Variants in CDH8 observed in about 807,000 individuals in gnomAD.
The protein encoded by CDH8 is cadherin 8.
In CDH8, 17 loss-of-function variants were observed where a neutral mutation model predicts 68.1. That is an observed-to-expected ratio of 0.25 (90% confidence interval 0.17 to 0.37). CDH8 has a LOEUF of 0.37. CDH8 is among the 10% of genes least tolerant of loss of function. The pLI is 1.00. For synonymous variants in CDH8, 372 were observed against 365.1 expected, an observed-to-expected ratio of 1.02 and a Z score of -0.21; for missense variants, 763 against 999.3, an observed-to-expected ratio of 0.76 and a Z score of 3.19.
Position 61,652,763 on chromosome 16 carries a change from A to C in CDH8, c.*845T>G. ...ATTAATGGACATCAATAAAATATTT[A>C]TTTCGAGGATTAAACAAATAAATTC... On this transcript the variant is annotated 3_prime_UTR_variant, in exon 12 of 12. Transcript: ENST00000577390. 1 of 1,325,314 alleles carries C rather than the reference A, an allele frequency of 7.5e-7. No individual in the cohort carries two copies. The highest frequency in any genetic ancestry group is 2.3e-5 in the South Asian group (1 of 43,814). 82.1% of individuals were successfully genotyped at this position (1,325,314 alleles called of 1,614,324 possible). A position where few individuals can be genotyped will look rare whatever the true frequency, so the allele number is the denominator to read the frequency against.
chr16:61,964,180 A>C (rs904697767), intron 2 of CDH8, among the ~76,000 whole-genome samples: 1 of 152,218 alleles, frequency 6.6e-6, no homozygotes, highest in Non-Finnish European at 1.5e-5. Context: ...TAAAGACCAA[A>C]ACATCTCTTG....
chr16:61,939,043 G>C (rs1375161696), intron 2 of CDH8, among the ~76,000 whole-genome samples: 1 of 152,130 alleles, frequency 6.6e-6, no homozygotes, highest in Non-Finnish European at 1.5e-5. Context: ...ATCAACAAGG[G>C]CTCATTCATA....
At chr16:61,812,562 C>T (rs1012093596) in intron 7 of CDH8, among the ~76,000 whole-genome samples, 7 of 151,764 alleles carry the variant, frequency 4.6e-5, no homozygotes, top group Non-Finnish European at 1.0e-4. Context: ...ACACCCAATA[C>T]ACAATTGAAA....
At chr16:61,814,192 C>A (rs1477607798) in intron 7 of CDH8, among the ~76,000 whole-genome samples, 2 of 152,182 alleles carry the variant, frequency 1.3e-5, no homozygotes, top group Admixed American at 1.3e-4. Flanking sequence ...ATTCCAGAGA[C>A]TAGTTCTCCG....
intron 2 of CDH8, among the ~76,000 whole-genome samples, chr16:62,010,667 G>A (rs1038940363): frequency 2.0e-5 from 3 of 151,918 alleles, no homozygotes; most frequent in African/African-American, 7.3e-5. Flanking sequence ...GGGTAGGCAC[G>A]GTGGCTCACG....
intron 2 of CDH8, among the ~76,000 whole-genome samples, chr16:61,912,985 T>C (rs992302598): frequency 1.2e-4 from 18 of 152,188 alleles, no homozygotes; most frequent in African/African-American, 4.3e-4. Flanking sequence ...TTTTTAAAAA[T>C]ACAGTGTAAT....
At chr16:61,749,104 C>T (rs911730080) in intron 8 of CDH8, among the ~76,000 whole-genome samples, 1 of 151,958 alleles carries the variant, frequency 6.6e-6, no homozygotes, top group Non-Finnish European at 1.5e-5. Flanking sequence ...GGAATATCTA[C>T]AATAAAACGT....
intron 10 of CDH8, among the ~76,000 whole-genome samples, chr16:61,656,811 A>G (rs1050082110): frequency 6.6e-6 from 1 of 152,188 alleles, no homozygotes; most frequent in Non-Finnish European, 1.5e-5. Context: ...CCCACATTAG[A>G]TACACAGTTC....
At chr16:61,756,075 C>A (rs1194721769) in intron 8 of CDH8, among the ~76,000 whole-genome samples, 1 of 152,094 alleles carries the variant, frequency 6.6e-6, no homozygotes, top group African/African-American at 2.4e-5. Flanking sequence ...CCCACCCCAG[C>A]CAACCAAAGT....
chr16:61,797,907 T>C (rs1961534627), intron 7 of CDH8, among the ~76,000 whole-genome samples: 1 of 152,144 alleles, frequency 6.6e-6, no homozygotes, highest in African/African-American at 2.4e-5. Context: ...GTCAATTCAT[T>C]TCAGGTCTCA....
chr16:61,959,544 G>GTA (rs1475730320), intron 2 of CDH8, among the ~76,000 whole-genome samples: 1 of 112,334 alleles, frequency 8.9e-6, no homozygotes, highest in Non-Finnish European at 2.0e-5. Flanking sequence ...CTCTCTCTCT[G>GTA]TGTGTGTGTG....
chr16:61,777,667 A>C (rs1324365490), intron 8 of CDH8, among the ~76,000 whole-genome samples: 3 of 152,172 alleles, frequency 2.0e-5, no homozygotes, highest in African/African-American at 7.2e-5. Flanking sequence ...GTTGCAGAAC[A>C]AAGTAAAAAT....
intron 10 of CDH8, among the ~76,000 whole-genome samples, chr16:61,698,040 A>G (rs1210772478): frequency 6.6e-6 from 1 of 152,188 alleles, no homozygotes; most frequent in African/African-American, 2.4e-5. Context: ...CACTTCTAAC[A>G]TATAAGTTTT....
chr16:61,728,979 A>G (rs1037555854), intron 8 of CDH8, among the ~76,000 whole-genome samples: 1 of 151,298 alleles, frequency 6.6e-6, no homozygotes, highest in South Asian at 2.1e-4. Context: ...ACACATTCAA[A>G]GGTATTATAG....
intron 8 of CDH8, among the ~76,000 whole-genome samples, chr16:61,779,425 A>ATGTGTGTG (rs10539934): frequency 0.076 from 10,590 of 138,878 alleles, 479 homozygotes; most frequent in African/African-American, 0.12. Context: ...ATGTTCGTTT[A>ATGTGTGTG]TGTGTGTGTG....
At chr16:61,906,203 G>A (rs898668229) in intron 2 of CDH8, among the ~76,000 whole-genome samples, 5 of 152,156 alleles carry the variant, frequency 3.3e-5, no homozygotes, top group African/African-American at 1.2e-4. Flanking sequence ...TAATAGTTTT[G>A]TTGTAGTATA....
chr16:61,793,192 C>A (rs952913733), intron 7 of CDH8, among the ~76,000 whole-genome samples: 1 of 151,840 alleles, frequency 6.6e-6, no homozygotes, highest in East Asian at 1.9e-4. Context: ...TCCGATCACA[C>A]TGGCATGCTA....
chr16:61,729,937 C>T (rs1348326142), intron 8 of CDH8, among the ~76,000 whole-genome samples: 1 of 151,338 alleles, frequency 6.6e-6, no homozygotes. Context: ...GCCAAGTCAA[C>T]TATGTATGAT....
intron 8 of CDH8, among the ~76,000 whole-genome samples, chr16:61,760,613 AG>A: frequency 6.6e-6 from 1 of 152,084 alleles, no homozygotes. Flanking sequence ...GCATCTGGCA[AG>A]GAACAGAATT....
Sources: allele counts gnomAD v4.1 joint callset (sites outside exome capture counted in the v4.1 genomes callset), GRCh38; gene constraint gnomAD v4.1.1; transcripts MANE v1.5; gene names NCBI Gene and HGNC (gene_info 2026-07-23, HGNC 2026-07-21).